The following RORA variants were observed in gnomAD, a reference collection of about 807,000 sequenced individuals.
RORA encodes the protein nuclear receptor ROR-alpha.
Under a neutral mutation model 69.5 loss-of-function variants are expected in RORA, and 7 were observed. That is an observed-to-expected ratio of 0.10 (90% CI 0.06 to 0.19). The LOEUF (loss-of-function observed/expected upper bound fraction) is 0.19, where lower values mean the gene tolerates loss of function less well. Ranked by LOEUF, RORA falls within the 10% of genes least tolerant of loss-of-function variation. The pLI is 1.00. For synonymous variants in RORA, 261 were observed against 240.8 expected (o/e 1.08, Z -0.78); for missense variants, 457 against 663.0 (o/e 0.69, Z 3.41).
intron 2 of RORA, chr15:60,558,121 T>C (rs4774369): frequency 1.4e-6 from 1 of 706,692 alleles, no homozygotes. Flanking sequence ...TCTAGAAGTA[T>C]GCCCAGTGCC....
intron 1 of RORA, among the ~76,000 whole-genome samples, chr15:60,955,006 T>A (rs1893224388): frequency 6.6e-6 from 1 of 152,190 alleles, no homozygotes; most frequent in Admixed American, 6.5e-5. Flanking sequence ...TGTATCTTTT[T>A]AAAAATCCAT....
intron 1 of RORA, among the ~76,000 whole-genome samples, chr15:60,751,598 T>G (rs2071724326): frequency 6.6e-6 from 1 of 152,092 alleles, no homozygotes; most frequent in Non-Finnish European, 1.5e-5. Context: ...GGCAGCTGAG[T>G]GGTAGTGCTG....
chr15:60,839,457 A>G (rs1443467836), intron 1 of RORA, among the ~76,000 whole-genome samples: 3 of 152,222 alleles, frequency 2.0e-5, no homozygotes, highest in Non-Finnish European at 4.4e-5. Context: ...TTTTACACCA[A>G]CCTAATATCT....
intron 1 of RORA, among the ~76,000 whole-genome samples, chr15:60,769,556 C>G (rs1315268350): frequency 6.6e-6 from 1 of 152,136 alleles, no homozygotes; most frequent in Non-Finnish European, 1.5e-5. Context: ...CTTGAATGTT[C>G]TAGTCACCAG....
intron 1 of RORA, among the ~76,000 whole-genome samples, chr15:60,975,778 A>G (rs1053452123): frequency 3.9e-5 from 6 of 152,240 alleles, no homozygotes; most frequent in African/African-American, 1.4e-4. Context: ...GACCCCTAAC[A>G]GAGTTCCCTG....
intron 1 of RORA, among the ~76,000 whole-genome samples, chr15:61,010,875 C>A (rs1895065627): frequency 6.6e-6 from 1 of 152,168 alleles, no homozygotes. Context: ...TTTCTACTTA[C>A]ATCAATGAGC....
In RORA at chr15:61,107,175, G is replaced by A. The variant is rs113962458; in HGVS notation, c.166+121878C>T. ...CCCGTGCTCTGCTTGTTTCTAATACGCCCATCAACCAAAGCTAAACACACA... is the reference window on the plus strand; with the variant it reads ...CCCGTGCTCTGCTTGTTTCTAATACACCCATCAACCAAAGCTAAACACACA... On this transcript the variant is annotated intron_variant, in intron 1 of 10. Transcript: ENST00000335670. 8.5e-5 allele frequency among the ~76,000 whole-genome samples: 13 copies of A among 152,192 alleles called. No homozygotes were observed. The South Asian group carries it at 1.5e-3, about 17-fold the overall frequency.
intron 1 of RORA, among the ~76,000 whole-genome samples, chr15:60,977,187 C>T (rs576557352): frequency 1.3e-5 from 2 of 150,498 alleles, no homozygotes; most frequent in Admixed American, 1.3e-4. Flanking sequence ...ATCACAGTGA[C>T]TCAAAGTTTT....
At chr15:60,604,949 C>G (rs1324804991) in intron 2 of RORA, among the ~76,000 whole-genome samples, 1 of 152,134 alleles carries the variant, frequency 6.6e-6, no homozygotes. Flanking sequence ...GGTTTATGAC[C>G]TACCACTAGA....
intron 2 of RORA, among the ~76,000 whole-genome samples, chr15:60,662,328 A>G (rs772998119): frequency 6.6e-6 from 1 of 152,224 alleles, no homozygotes; most frequent in Non-Finnish European, 1.5e-5. Flanking sequence ...GCATATAAAT[A>G]GGCCCTGCAA....
chr15:60,819,746 GACACACACACACACACAC>G (rs59044853), intron 1 of RORA, among the ~76,000 whole-genome samples: 18 of 119,344 alleles, frequency 1.5e-4, no homozygotes, highest in African/African-American at 2.0e-4. Context: ...GTCAAACCCA[GACACACACACACACACAC>G]ACACACACAC....
intron 5 of RORA, among the ~76,000 whole-genome samples, chr15:60,507,437 A>G (rs962164688): frequency 6.6e-5 from 10 of 152,224 alleles, no homozygotes; most frequent in African/African-American, 2.4e-4. Flanking sequence ...AGACACTGAA[A>G]CATAATAAAC....
intron 1 of RORA, among the ~76,000 whole-genome samples, chr15:61,207,599 C>A (rs532556209): frequency 7.9e-4 from 120 of 152,366 alleles, no homozygotes; most frequent in African/African-American, 2.7e-3. Context: ...CTTCTCATCA[C>A]ATCTACCTTT....
chr15:61,073,890 T>G (rs562361615), intron 1 of RORA, among the ~76,000 whole-genome samples: 1 of 152,354 alleles, frequency 6.6e-6, no homozygotes, highest in South Asian at 2.1e-4. Context: ...TCAAAAGGCA[T>G]GCCCTGGCTT....
intron 1 of RORA, among the ~76,000 whole-genome samples, chr15:61,227,355 C>T (rs897504436): frequency 6.6e-6 from 1 of 152,160 alleles, no homozygotes; most frequent in Non-Finnish European, 1.5e-5. Flanking sequence ...TCCCCGCACA[C>T]AAACTCACCG....
At chr15:60,937,143 T>C (rs925511869) in intron 1 of RORA, among the ~76,000 whole-genome samples, 5 of 152,162 alleles carry the variant, frequency 3.3e-5, no homozygotes, top group African/African-American at 1.2e-4. Context: ...AACCGAGGCA[T>C]ACAGCTGGCA....
chr15:60,516,069 A>ATATATATT (rs2065903506), intron 3 of RORA, among the ~76,000 whole-genome samples: 1 of 61,092 alleles, frequency 1.6e-5, no homozygotes, highest in Non-Finnish European at 2.7e-5. Flanking sequence ...ATATATATTT[A>ATATATATT]TATATATTTA....
intron 1 of RORA, among the ~76,000 whole-genome samples, chr15:61,157,197 T>C (rs1040668297): frequency 6.6e-6 from 1 of 152,188 alleles, no homozygotes; most frequent in East Asian, 1.9e-4. Context: ...GAATAGATTA[T>C]ATCCTCTGAA....
chr15:60,525,288 A>G (rs2066313555), intron 3 of RORA, among the ~76,000 whole-genome samples: 1 of 151,884 alleles, frequency 6.6e-6, no homozygotes, highest in Non-Finnish European at 1.5e-5. Context: ...AGTTTTGTCT[A>G]AGTTCATGGG....
Sources: allele counts gnomAD v4.1 joint callset (sites outside exome capture counted in the v4.1 genomes callset), GRCh38; gene constraint gnomAD v4.1.1; transcripts MANE v1.5; gene names NCBI Gene and HGNC (gene_info 2026-07-23, HGNC 2026-07-21).